The following ELAPOR2 variants were observed in gnomAD, a reference collection of about 807,000 sequenced individuals.
ELAPOR2 encodes the protein endosome/lysosome-associated apoptosis and autophagy regulator family member 2.
In ELAPOR2, 89 loss-of-function variants were observed where a neutral mutation model predicts 120.7. The observed-to-expected ratio is 0.74, with a 90% CI of 0.62 to 0.88. The LOEUF is 0.88. Among genes scored for constraint, ELAPOR2 ranks in the 40% least tolerant of loss-of-function variants. The pLI, the probability that ELAPOR2 is intolerant of heterozygous loss-of-function variation, is 0.00. For missense variants in ELAPOR2, 1,134 were observed against 1,251.6 expected (o/e 0.91, Z 1.42); for synonymous variants, 444 against 444.9 (o/e 1.00, Z 0.03).
intron 1 of ELAPOR2, among the ~76,000 whole-genome samples, chr7:87,010,782 T>A (rs1017740278): frequency 6.7e-6 from 1 of 149,696 alleles, no homozygotes; most frequent in Non-Finnish European, 1.5e-5. Flanking sequence ...ACAGATGCCA[T>A]TTTTTTTTTC....
Position 86,897,727 on chromosome 7 carries a change from G to C in ELAPOR2, c.2559-95C>G, listed in dbSNP as rs893264750. 6.4e-6 allele frequency: 9 copies of C among 1,397,082 alleles called. No homozygotes were observed. In the African/African-American group the frequency reaches 1.3e-4, roughly 20 times the overall value. The allele number at this position is 1,397,082 out of a possible 1,614,324, so 86.5% of individuals were successfully genotyped here. The stretch of plus-strand genomic sequence containing the variant: ...ACACCAGAATACCTATCACATGCTG[G>C]GGAGCACTGTGTGGATGCTGAAGAA... On this transcript the variant is annotated intron_variant, in intron 18 of 21. Coordinates refer to ENST00000450689, the MANE Select transcript of ELAPOR2 (RefSeq NM_001142749.3).
intron 1 of ELAPOR2, among the ~76,000 whole-genome samples, chr7:87,020,557 C>T (rs940072162): frequency 1.3e-5 from 2 of 151,934 alleles, no homozygotes; most frequent in Admixed American, 1.3e-4. Context: ...TATGTAACGT[C>T]CAGAATAGAT....
At chr7:86,965,116 C>T in intron 1 of ELAPOR2, 92 bp from the exon 2 acceptor site, 2 of 1,305,992 alleles carry the variant, frequency 1.5e-6, no homozygotes, top group Non-Finnish European at 1.1e-6. Flanking sequence ...TGTTTCCAAG[C>T]TGTACCCTCT....
intron 1 of ELAPOR2, among the ~76,000 whole-genome samples, chr7:87,011,060 G>A (rs1450249911): frequency 2.0e-5 from 3 of 151,972 alleles, no homozygotes; most frequent in Admixed American, 6.5e-5. Context: ...GAGGTCAAGA[G>A]ATCGAGACCA....
chr7:86,925,419 A>C, intron 10 of ELAPOR2, 109 bp downstream of exon 10: 1 of 1,092,032 alleles, frequency 9.2e-7, no homozygotes, highest in Non-Finnish European at 1.3e-6. Flanking sequence ...CCAAATGATA[A>C]GATTGAAGTT....
intron 1 of ELAPOR2, among the ~76,000 whole-genome samples, chr7:87,057,710 C>T (rs1795306848): frequency 6.6e-6 from 1 of 152,172 alleles, no homozygotes; most frequent in East Asian, 1.9e-4. Flanking sequence ...TCTAGGTATA[C>T]ATGTGTAGGA....
At chr7:87,017,976 C>T (rs186767094) in intron 1 of ELAPOR2, among the ~76,000 whole-genome samples, 12 of 152,194 alleles carry the variant, frequency 7.9e-5, no homozygotes, top group Non-Finnish European at 1.3e-4. Flanking sequence ...TCATTAACAT[C>T]ATCAGCCTAA....
At chr7:86,885,057 A>C (rs886221789) in intron 21 of ELAPOR2, among the ~76,000 whole-genome samples, 1 of 152,168 alleles carries the variant, frequency 6.6e-6, no homozygotes, top group Non-Finnish European at 1.5e-5. Flanking sequence ...AGTTCACTAG[A>C]GAATGAGAAA....
chr7:86,968,041 A>C (rs1791977461), intron 1 of ELAPOR2, among the ~76,000 whole-genome samples: 1 of 152,234 alleles, frequency 6.6e-6, no homozygotes, highest in Admixed American at 6.5e-5. Flanking sequence ...ACAAAAAAAA[A>C]TCTGCTTCTA....
chr7:87,023,370 G>A (rs1182339823), intron 1 of ELAPOR2, among the ~76,000 whole-genome samples: 3 of 152,166 alleles, frequency 2.0e-5, no homozygotes, highest in Non-Finnish European at 2.9e-5. Context: ...AGATCAGATA[G>A]TTGCAGATAT....
intron 1 of ELAPOR2, among the ~76,000 whole-genome samples, chr7:87,003,501 C>T (rs373744148): frequency 1.3e-5 from 2 of 152,264 alleles, no homozygotes; most frequent in East Asian, 1.9e-4. Context: ...CTTCCCCCTT[C>T]GCTTTCTCTC....
Position 87,039,248 on chromosome 7 carries a change from G to C in ELAPOR2, c.189+20077C>G, listed in dbSNP as rs974957147. Among the ~76,000 whole-genome samples the C allele has an allele frequency of 2.6e-5, 4 of 151,106 alleles. No individual in the cohort carries two copies. The East Asian group carries it at 7.8e-4, about 30-fold the overall frequency. The stretch of plus-strand genomic sequence containing the variant: ...AAAACCTGAACAGACCAATACCAAT[G>C]AAATCAAAGCCACAATAAAAAGTCT... On this transcript the variant is annotated intron_variant, in intron 1 of 21. Coordinates refer to ENST00000450689, the MANE Select transcript of ELAPOR2 (RefSeq NM_001142749.3).
At chr7:87,057,650 A>G (rs1365616577) in intron 1 of ELAPOR2, among the ~76,000 whole-genome samples, 2 of 152,136 alleles carry the variant, frequency 1.3e-5, no homozygotes, top group Admixed American at 6.5e-5. Context: ...ACCTTCTGTC[A>G]TCTCTCTGCC....
intron 5 of ELAPOR2, chr7:86,941,265 A>G (rs1419720692): frequency 9.7e-6 from 5 of 513,134 alleles, no homozygotes; most frequent in Admixed American, 6.3e-5. Flanking sequence ...AAACACAACT[A>G]TAAACCGGAG....
intron 1 of ELAPOR2, among the ~76,000 whole-genome samples, chr7:87,021,609 A>G (rs1794042933): frequency 6.6e-6 from 1 of 152,202 alleles, no homozygotes; most frequent in Admixed American, 6.5e-5. Context: ...AGAAATAGAT[A>G]CAGAATACCT....
At chr7:86,915,123 GT>G (rs887528726) in intron 12 of ELAPOR2, among the ~76,000 whole-genome samples, 16 of 151,782 alleles carry the variant, frequency 1.1e-4, no homozygotes, top group South Asian at 2.1e-4. Context: ...AAGGGTTGGG[GT>G]TTTTTTTGTT....
chr7:86,901,284 G>C (rs1199229499), intron 18 of ELAPOR2, among the ~76,000 whole-genome samples: 3 of 152,166 alleles, frequency 2.0e-5, no homozygotes, highest in Non-Finnish European at 4.4e-5. Context: ...TTATGAATCT[G>C]GATGGCCCTG....
intron 1 of ELAPOR2, among the ~76,000 whole-genome samples, chr7:87,016,081 C>T (rs1260723368): frequency 6.6e-6 from 1 of 152,074 alleles, no homozygotes; most frequent in African/African-American, 2.4e-5. Context: ...AAACCTGAGA[C>T]AAACAAATCT....
Position 86,912,150 on chromosome 7 carries a change from T to C in ELAPOR2, c.2091A>G (p.Ser697=), listed in dbSNP as rs200594659. The part of the protein sequence containing the change: ...YDFSNLSSVG[S]LMNGPSFTSK... ...AGGTGAAGCTGGGGCCATTCATTAA[T>C]GAGCCCACACTGCTGAGGTTGCTAA... The change falls in exon 15 of 22, where the codon TCA becomes TCG. Residue 697 remains serine, a synonymous_variant. Coordinates refer to ENST00000450689, the MANE Select transcript of ELAPOR2 (RefSeq NM_001142749.3). 1.2e-6 allele frequency: 2 copies of C among 1,613,304 alleles called. No individual in the cohort carries two copies. The highest frequency in any genetic ancestry group is 8.5e-7 in the Non-Finnish European group (1 of 1,179,300).
Sources: allele counts gnomAD v4.1 joint callset (sites outside exome capture counted in the v4.1 genomes callset), GRCh38; gene constraint gnomAD v4.1.1; transcripts MANE v1.5; gene names NCBI Gene and HGNC (gene_info 2026-07-23, HGNC 2026-07-21).